The following CNTLN variants were observed in gnomAD, a reference collection of about 807,000 sequenced individuals.
CNTLN encodes the protein centlein.
A neutral mutation model predicts 180.0 loss-of-function variants in CNTLN; 212 were observed. The observed-to-expected ratio is 1.18, with a 90% CI of 1.05 to 1.32. CNTLN has a LOEUF of 1.32. Among genes scored for constraint, CNTLN ranks in the 40% most tolerant of loss-of-function variants. CNTLN has a pLI of 0.00. For missense variants in CNTLN, 2,095 were observed against 1,610.9 expected, an observed-to-expected ratio of 1.30 and a Z score of -5.14; for synonymous variants, 722 against 563.1, an observed-to-expected ratio of 1.28 and a Z score of -3.99.
chr9:17,276,177 A>G (rs1269721558), intron 6 of CNTLN, among the ~76,000 whole-genome samples: 1 of 152,120 alleles, frequency 6.6e-6, no homozygotes, highest in Admixed American at 6.6e-5. Context: ...GGAGAAGAAT[A>G]ATAGCACAGA....
chr9:17,161,869 G>C (rs1819704432), intron 2 of CNTLN, among the ~76,000 whole-genome samples: 1 of 152,078 alleles, frequency 6.6e-6, no homozygotes, highest in Non-Finnish European at 1.5e-5. Flanking sequence ...ATCCAGAGTT[G>C]AGCTATTAAT....
chr9:17,372,514 C>T (rs1347404723), intron 13 of CNTLN, among the ~76,000 whole-genome samples: 2 of 152,054 alleles, frequency 1.3e-5, no homozygotes, highest in African/African-American at 4.8e-5. Flanking sequence ...CAACCAGGAC[C>T]TGGTGACTTC....
chr9:17,334,955 A>T (rs1297380129), intron 10 of CNTLN, among the ~76,000 whole-genome samples: 1 of 151,450 alleles, frequency 6.6e-6, no homozygotes, highest in African/African-American at 2.4e-5. Flanking sequence ...CAAGCTAGAG[A>T]GCCAGGAGAG....
intron 1 of CNTLN, among the ~76,000 whole-genome samples, chr9:17,137,952 C>T (rs556128182): frequency 6.6e-6 from 1 of 152,144 alleles, no homozygotes; most frequent in Admixed American, 6.5e-5. Flanking sequence ...ATAAATAATG[C>T]TTATATGAAG....
chr9:17,263,527 G>C (rs1298006792), intron 5 of CNTLN, among the ~76,000 whole-genome samples: 4 of 151,676 alleles, frequency 2.6e-5, no homozygotes, highest in Non-Finnish European at 5.9e-5. Context: ...CTTTATAGCA[G>C]CATGATTTAT....
At chr9:17,167,085 G>T (rs1241995255) in intron 2 of CNTLN, 1 of 205,210 alleles carries the variant, frequency 4.9e-6, no homozygotes, top group African/African-American at 2.4e-5. Flanking sequence ...GAGAATTTTA[G>T]AAAGGATTAG....
intron 5 of CNTLN, among the ~76,000 whole-genome samples, chr9:17,267,226 C>T (rs1227629839): frequency 6.6e-6 from 1 of 152,036 alleles, no homozygotes; most frequent in Non-Finnish European, 1.5e-5. Flanking sequence ...TCTTTTAGGG[C>T]AGGCCTGGTG....
intron 5 of CNTLN, among the ~76,000 whole-genome samples, chr9:17,261,145 G>A (rs1563930752): frequency 1.3e-5 from 2 of 151,394 alleles, no homozygotes; most frequent in Non-Finnish European, 2.9e-5. Context: ...GCTTAGGATT[G>A]CTTTGTCTAA....
intron 8 of CNTLN, among the ~76,000 whole-genome samples, chr9:17,330,182 G>A (rs546789579): frequency 6.6e-6 from 1 of 152,128 alleles, no homozygotes; most frequent in South Asian, 2.1e-4. Flanking sequence ...TATTAAATTA[G>A]TTTACAGTAA....
At chr9:17,254,295 T>C (rs1826337081) in intron 5 of CNTLN, among the ~76,000 whole-genome samples, 1 of 151,692 alleles carries the variant, frequency 6.6e-6, no homozygotes, top group African/African-American at 2.4e-5. Flanking sequence ...GTACCATCTG[T>C]ATGCTTTTGG....
chr9:17,161,998 A>G (rs1331826891), intron 2 of CNTLN, among the ~76,000 whole-genome samples: 1 of 152,094 alleles, frequency 6.6e-6, no homozygotes, highest in Non-Finnish European at 1.5e-5. Context: ...GTCTTAGGGC[A>G]GTGATCTCAG....
Position 17,457,550 on chromosome 9 carries a change from T to C in CNTLN, c.3141T>C (p.Leu1047=). 6.6e-7 allele frequency: 1 copy of C among 1,509,764 alleles called. No homozygotes were observed. Among genetic ancestry groups the C allele is most frequent in the Non-Finnish European group, 8.9e-7 (1 of 1,126,628 alleles). The allele number at this position is 1,509,764 out of a possible 1,614,324, so 93.5% of individuals were successfully genotyped here. A position where few individuals can be genotyped will look rare whatever the true frequency, so the allele number is the denominator to read the frequency against. The stretch of plus-strand genomic sequence containing the variant: ...AGCTAAATTTGGATTTGGCTGGGCT[T>C]CGGAAAGAAAAAGAAGATTTACTAA... ...IKKLNLDLAG[L]RKEKEDLLKK... The change falls in exon 19 of 26, where the codon CTT becomes CTC. Residue 1047 remains leucine (L), a synonymous_variant. Coordinates refer to ENST00000380647, the MANE Select transcript of CNTLN (RefSeq NM_017738.4).
intron 23 of CNTLN, among the ~76,000 whole-genome samples, chr9:17,474,601 G>T (rs1294223530): frequency 6.6e-6 from 1 of 152,162 alleles, no homozygotes; most frequent in African/African-American, 2.4e-5. Context: ...AGGCATAGTG[G>T]CTCACGCCTG....
At chr9:17,298,059 A>G in intron 6 of CNTLN, 131 bp from the exon 7 acceptor site, 1 of 569,630 alleles carries the variant, frequency 1.8e-6, no homozygotes, top group Non-Finnish European at 2.9e-6. Flanking sequence ...TTCTTTTATT[A>G]ATAAGTTTGC....
chr9:17,266,460 A>G (rs1827453331), intron 5 of CNTLN, among the ~76,000 whole-genome samples: 2 of 152,096 alleles, frequency 1.3e-5, no homozygotes, highest in African/African-American at 4.8e-5. Flanking sequence ...GCTTCCCAGT[A>G]TGTGGTCAAT....
chr9:17,466,550 T>A (rs1482541839), intron 22 of CNTLN, among the ~76,000 whole-genome samples, 156 bp from the exon 23 acceptor site: 1 of 151,556 alleles, frequency 6.6e-6, no homozygotes, highest in Non-Finnish European at 1.5e-5. Flanking sequence ...CTTAGGATGT[T>A]TTATTGAAAG....
At chr9:17,311,213 C>T (rs1036069143) in intron 8 of CNTLN, among the ~76,000 whole-genome samples, 4 of 151,626 alleles carry the variant, frequency 2.6e-5, no homozygotes, top group East Asian at 4.0e-4. Flanking sequence ...TTAGTATAGA[C>T]GGGGTTTCAC....
chr9:17,222,818 C>G (rs979441304), intron 2 of CNTLN, among the ~76,000 whole-genome samples: 1 of 152,058 alleles, frequency 6.6e-6, no homozygotes, highest in Non-Finnish European at 1.5e-5. Context: ...TCTTTATTCT[C>G]TTAAATTACT....
the CNTLN span, among the ~76,000 whole-genome samples, chr9:17,527,791 G>A: frequency 6.6e-6 from 1 of 152,026 alleles, no homozygotes; most frequent in Non-Finnish European, 1.5e-5. Flanking sequence ...TACAAGATGA[G>A]CCTGGAGTGT....
Sources: gnomAD v4.1 joint callset for allele counts (sites outside exome capture counted in the v4.1 genomes callset) on GRCh38, gnomAD v4.1.1 for gene constraint, MANE v1.5 for transcripts, NCBI Gene and HGNC (gene_info 2026-07-23, HGNC 2026-07-21) for gene names.